GRM1: variants seen among roughly 807,000 people sequenced by gnomAD.
The protein encoded by GRM1 is metabotropic glutamate receptor 1.
GRM1 carries 33 observed loss-of-function variants against 90.9 expected under a neutral mutation model. The observed-to-expected ratio is 0.36, with a 90% CI of 0.28 to 0.49. The LOEUF (loss-of-function observed/expected upper bound fraction) is 0.49. GRM1 is among the 20% of genes least tolerant of loss of function. GRM1 has a pLI of 0.99. For synonymous variants in GRM1, 700 were observed against 613.2 expected, an observed-to-expected ratio of 1.14 and a Z score of -2.09; for missense variants, 1,190 against 1,534.3, an observed-to-expected ratio of 0.78 and a Z score of 3.75.
At chr6:146,361,571 T>C (rs1287708787) in intron 5 of GRM1, among the ~76,000 whole-genome samples, 1 of 152,156 alleles carries the variant, frequency 6.6e-6, no homozygotes, top group Non-Finnish European at 1.5e-5. Flanking sequence ...GGGACTAACA[T>C]TGGTCAAGTA....
At chr6:146,408,447 G>C (rs1777437132) in intron 7 of GRM1, among the ~76,000 whole-genome samples, 1 of 151,978 alleles carries the variant, frequency 6.6e-6, no homozygotes, top group Non-Finnish European at 1.5e-5. Flanking sequence ...GTTCTGAGGA[G>C]GATAAAATGA....
At chr6:146,031,533 G>A (rs1189936014) in intron 1 of GRM1, among the ~76,000 whole-genome samples, 1 of 152,042 alleles carries the variant, frequency 6.6e-6, no homozygotes, top group Non-Finnish European at 1.5e-5. Flanking sequence ...AAACATAAAT[G>A]ATATAGGATT....
rs896622318 is a variant in GRM1, at chr6:146,437,362, A to G, written c.*2566A>G. 2.0e-5 allele frequency: 3 copies of G among 152,556 alleles called. No homozygotes were observed. The highest frequency in any genetic ancestry group is 6.6e-5 in the Admixed American group (1 of 15,264). 9.5% of individuals were successfully genotyped at this position (152,556 alleles called of 1,614,324 possible). A position where few individuals can be genotyped will look rare whatever the true frequency, so the allele number is the denominator to read the frequency against. ...CACTTTATTACTCTGAATGCCTACT[A>G]TTATCCTGATTATGGGGTCTCCTGA... On this transcript the variant is annotated 3_prime_UTR_variant, in exon 8 of 8. Transcript: ENST00000282753.
chr6:146,091,955 A>G (rs1776729650), intron 1 of GRM1, among the ~76,000 whole-genome samples: 2 of 152,140 alleles, frequency 1.3e-5, no homozygotes, highest in East Asian at 3.9e-4. Flanking sequence ...CCATGCTGTC[A>G]TCTTTCATTT....
chr6:146,326,293 C>T lies in GRM1; in HGVS notation c.1186+21447C>T, dbSNP rs1237217116. On this transcript the variant is annotated intron_variant, in intron 3 of 7. Transcript: ENST00000282753. Reference sequence around the variant, plus strand: ...AATGAGGTTATGGCCTTTGCAGGGACACGGATGGAGCTGGAGGCCATTATC... The same window carrying T: ...AATGAGGTTATGGCCTTTGCAGGGATACGGATGGAGCTGGAGGCCATTATC... Among the ~76,000 whole-genome samples, 4 of 152,114 alleles carry T rather than the reference C, an allele frequency of 2.6e-5. No individual in the cohort carries two copies. In the East Asian group the frequency reaches 7.7e-4, roughly 29 times the overall value.
intron 1 of GRM1, among the ~76,000 whole-genome samples, chr6:146,143,008 C>G (rs1429553545): frequency 6.6e-6 from 1 of 152,178 alleles, no homozygotes; most frequent in Non-Finnish European, 1.5e-5. Flanking sequence ...CTGGGTCACA[C>G]CCGAAGCCAG....
chr6:146,085,151 A>G (rs1776496569), intron 1 of GRM1, among the ~76,000 whole-genome samples: 1 of 152,112 alleles, frequency 6.6e-6, no homozygotes, highest in African/African-American at 2.4e-5. Context: ...AAGCAATGAA[A>G]GAACCAGCAA....
At chr6:146,156,952 T>C (rs961203538) in intron 1 of GRM1, among the ~76,000 whole-genome samples, 1 of 152,222 alleles carries the variant, frequency 6.6e-6, no homozygotes, top group Non-Finnish European at 1.5e-5. Flanking sequence ...AATAATTTTA[T>C]TTCAAATATG....
intron 1 of GRM1, among the ~76,000 whole-genome samples, chr6:146,112,174 G>A (rs1473065276): frequency 6.6e-6 from 1 of 151,882 alleles, no homozygotes; most frequent in East Asian, 1.9e-4. Context: ...TGATGAGTCT[G>A]TAATAACAAC....
At position 146,436,595 on chromosome 6, in the gene GRM1, T is replaced by C. The variant is rs1474771647; in HGVS notation, c.*1799T>C. On this transcript the variant is annotated 3_prime_UTR_variant, in exon 8 of 8. Transcript: ENST00000282753. ...TGGACTTTTATTCCTGTGTCTTGGC[T>C]GTCATAACTTTTTATTTCTGCTATT... 2 of 152,402 alleles carry C rather than the reference T, an allele frequency of 1.3e-5. No individual in the cohort carries two copies. The highest frequency in any genetic ancestry group is 3.8e-4 in the East Asian group (2 of 5,198). 9.4% of individuals were successfully genotyped at this position (152,402 alleles called of 1,614,324 possible).
chr6:146,151,011 A>C (rs1777314206), intron 1 of GRM1, among the ~76,000 whole-genome samples: 2 of 152,008 alleles, frequency 1.3e-5, no homozygotes, highest in Admixed American at 1.3e-4. Flanking sequence ...TATACTTCAA[A>C]TATGAAGGAG....
At chr6:146,199,562 C>T (rs544570358) in intron 2 of GRM1, among the ~76,000 whole-genome samples, 223 of 152,252 alleles carry the variant, frequency 1.5e-3, no homozygotes, top group Non-Finnish European at 2.2e-3. Context: ...TCATCTCTTT[C>T]CTTGCTTATC....
chr6:146,084,429 A>ATGTT (rs1776472998), intron 1 of GRM1, among the ~76,000 whole-genome samples: 1 of 151,858 alleles, frequency 6.6e-6, no homozygotes, highest in African/African-American at 2.4e-5. Flanking sequence ...AGATTCTGGT[A>ATGTT]TGTTGTGTCT....
intron 2 of GRM1, among the ~76,000 whole-genome samples, chr6:146,271,529 G>A (rs1782164040): frequency 6.6e-6 from 1 of 152,126 alleles, no homozygotes; most frequent in Admixed American, 6.5e-5. Flanking sequence ...AGGCCTAGGA[G>A]TTCAGAAAGG....
chr6:146,276,520 T>C (rs184253801), intron 2 of GRM1, among the ~76,000 whole-genome samples: 1 of 152,160 alleles, frequency 6.6e-6, no homozygotes, highest in Non-Finnish European at 1.5e-5. Flanking sequence ...TTAATGATTT[T>C]AGTGCATGAA....
chr6:146,320,842 A>G (rs113861008), intron 3 of GRM1, among the ~76,000 whole-genome samples: 1,548 of 151,962 alleles, frequency 0.01, 16 homozygotes, highest in African/African-American at 0.036. Flanking sequence ...TATTGTGTCT[A>G]TTTGATTCTT....
chr6:146,250,741 A>G (rs928405940), intron 2 of GRM1, among the ~76,000 whole-genome samples: 1 of 152,220 alleles, frequency 6.6e-6, no homozygotes, highest in Non-Finnish European at 1.5e-5. Context: ...GATTGGACCC[A>G]GTGAGTCTGG....
At chr6:146,047,247 A>C (rs1364506725) in intron 1 of GRM1, among the ~76,000 whole-genome samples, 1 of 151,898 alleles carries the variant, frequency 6.6e-6, no homozygotes, top group African/African-American at 2.4e-5. Flanking sequence ...ACTGATAAAT[A>C]GGGATTTATT....
At chr6:146,216,513 C>T (rs771006532) in intron 2 of GRM1, among the ~76,000 whole-genome samples, 2 of 152,122 alleles carry the variant, frequency 1.3e-5, no homozygotes, top group Admixed American at 1.3e-4. Context: ...GCCATGTTAA[C>T]AGCTTGACCT....
Sources: gnomAD v4.1 joint callset for allele counts (sites outside exome capture counted in the v4.1 genomes callset) on GRCh38, gnomAD v4.1.1 for gene constraint, MANE v1.5 for transcripts, NCBI Gene and HGNC (gene_info 2026-07-23, HGNC 2026-07-21) for gene names.